The following ERICH5 variants were observed in gnomAD, a reference collection of about 807,000 sequenced individuals.
ERICH5 encodes the protein glutamate-rich protein 5.
ERICH5 carries 24 observed loss-of-function variants against 28.0 expected under a neutral mutation model. The observed-to-expected ratio is 0.86, with a 90% CI of 0.62 to 1.21. ERICH5 has a LOEUF of 1.21. Ranked by LOEUF, ERICH5 falls within the 50% of genes most tolerant of loss-of-function variation. ERICH5 has a pLI of 0.00. For missense variants in ERICH5, 421 were observed against 441.2 expected (o/e 0.95, Z 0.41); for synonymous variants, 163 against 157.6 (o/e 1.03, Z -0.25).
chr8:98,070,660 C>CAAAAAAAAAAAAAAAAAAAAAAA lies in ERICH5; in HGVS notation c.58+5955_58+5956insAAAAAAAAAAAAAAAAAAAAAAA, dbSNP rs769042472. Among the ~76,000 whole-genome samples the CAAAAAAAAAAAAAAAAAAAAAAA allele has an allele frequency of 2.1e-3, 82 of 38,724 alleles. 1 individual carries two copies. The highest frequency in any genetic ancestry group is 2.6e-3 in the Non-Finnish European group (51 of 19,404). The allele number at this position is 38,724 out of a possible 152,430, so 25.4% of individuals were successfully genotyped here. A position where few individuals can be genotyped will look rare whatever the true frequency, so the allele number is the denominator to read the frequency against. Reference sequence around the variant, plus strand: ...GGGCAACAAGAGTGAAACTGCATCTCAAAAAAAAAAAAAAAAAAAAAAGAA... The same window carrying CAAAAAAAAAAAAAAAAAAAAAAA: ...GGGCAACAAGAGTGAAACTGCATCTCAAAAAAAAAAAAAAAAAAAAAAAAAAAAAAAAAAAAAAAAAAAAAGAA... On this transcript the variant is annotated intron_variant, in intron 1 of 2. Transcript: ENST00000318528.
At chr8:98,090,869 TAAGTG>T (rs1288209269) in intron 2 of ERICH5, among the ~76,000 whole-genome samples, 1 of 152,188 alleles carries the variant, frequency 6.6e-6, no homozygotes, top group African/African-American at 2.4e-5. Flanking sequence ...TCAGTATACT[TAAGTG>T]AAGCATTCAT....
chr8:98,082,967 A>G (rs1815209026), intron 1 of ERICH5, among the ~76,000 whole-genome samples: 1 of 152,272 alleles, frequency 6.6e-6, no homozygotes, highest in Admixed American at 6.5e-5. Context: ...TTGGACACTT[A>G]TGACACCATC....
chr8:98,091,364 G>A (rs1449984792), intron 2 of ERICH5, among the ~76,000 whole-genome samples: 4 of 152,220 alleles, frequency 2.6e-5, no homozygotes, highest in South Asian at 2.1e-4. Context: ...AAGGCAGGAT[G>A]TGCGTGCATC....
chr8:98,089,363 C>T lies in ERICH5; in HGVS notation c.346C>T (p.Pro116Ser), dbSNP rs1815340809. ...AGAGGGACTGGAGGAATCTGGGCCG[C>T]CTCAACCAGGTGGCAAAGAGGATGC... ...PGEGLEESGP[P>S]QPGGKEDAPA... The change falls in exon 2 of 3, where the codon CCT (proline) becomes TCT (serine). Residue 116 changes from proline (P) to serine (S), a missense_variant. Transcript: ENST00000318528. The T allele has an allele frequency of 1.9e-6, 3 of 1,614,216 alleles. No homozygotes were observed. Among genetic ancestry groups the T allele is most frequent in the South Asian group, 1.1e-5 (1 of 91,080 alleles).
chr8:98,066,970 A>G (rs1324694350), intron 1 of ERICH5, among the ~76,000 whole-genome samples: 1 of 152,240 alleles, frequency 6.6e-6, no homozygotes, highest in African/African-American at 2.4e-5. Context: ...TCAGTGCCTA[A>G]CAACGCTTGG....
rs377643845 is a variant in ERICH5 at position 98,082,862 on chromosome 8, C to A, written c.59-6214C>A. Reference sequence around the variant, plus strand: ...CTCTAGCCTTGGTGACGGATTGAGACCCTGTCTCAACAACGACAATAAAAG... The same window carrying A: ...CTCTAGCCTTGGTGACGGATTGAGAACCTGTCTCAACAACGACAATAAAAG... On this transcript the variant is annotated intron_variant, in intron 1 of 2. Transcript: ENST00000318528. Among the ~76,000 whole-genome samples the A allele has an allele frequency of 7.5e-4, 114 of 152,120 alleles. 1 individual carries two copies. The highest frequency in any genetic ancestry group is 2.7e-3 in the African/African-American group (110 of 41,488).
intron 1 of ERICH5, among the ~76,000 whole-genome samples, chr8:98,085,262 G>A (rs575250976): frequency 1.4e-5 from 2 of 141,024 alleles, no homozygotes; most frequent in South Asian, 2.4e-4. Context: ...CCAGTTTCAC[G>A]CCATTCTCCC....
At chr8:98,082,138 C>T (rs747080298) in intron 1 of ERICH5, among the ~76,000 whole-genome samples, 6 of 152,046 alleles carry the variant, frequency 3.9e-5, no homozygotes, top group Non-Finnish European at 8.8e-5. Context: ...GTAAATGTGG[C>T]CCTGCCCTTC....
In ERICH5 at chr8:98,091,836, T is replaced by TTTTCTTTCTTTCTTTC. The variant is rs3074382; in HGVS notation, c.1013-1336_1013-1321dup. On this transcript the variant is annotated intron_variant, in intron 2 of 2. Coordinates refer to ENST00000318528, the MANE Select transcript of ERICH5 (RefSeq NM_173549.3). Reference sequence around the variant, plus strand: ...AGACTTTCTTTTTCTTTCTTTTTCTTTTTCTTTCTTTCTTTCTTTCTTTCT... The same window carrying TTTTCTTTCTTTCTTTC: ...AGACTTTCTTTTTCTTTCTTTTTCTTTTTCTTTCTTTCTTTCTTTCTTTCTTTCTTTCTTTCTTTCT... Among the ~76,000 whole-genome samples the TTTTCTTTCTTTCTTTC allele has an allele frequency of 4.1e-4, 44 of 107,288 alleles. 3 individuals carry two copies. The highest frequency in any genetic ancestry group is 2.5e-3 in the East Asian group (9 of 3,544). 70.4% of individuals were successfully genotyped at this position (107,288 alleles called of 152,430 possible).
At position 98,093,228 on chromosome 8, in the gene ERICH5, AG is replaced by A. The variant is rs750179683; in HGVS notation, c.1024del (p.Glu342LysfsTer12). The A allele has an allele frequency of 1.2e-6, 2 of 1,610,260 alleles. No homozygotes were observed. Among genetic ancestry groups the A allele is most frequent in the Non-Finnish European group, 8.5e-7 (1 of 1,177,188 alleles). On this transcript the variant is annotated frameshift_variant, in exon 3 of 3. Coordinates refer to ENST00000318528, the MANE Select transcript of ERICH5 (RefSeq NM_173549.3). LOFTEE classifies it high-confidence loss of function. The part of the protein sequence containing the change: ...EEDQRIEGET[G>X]EKVETDMENE... ...CTTTGGTTACTTTTCCAGGTGAGAC[AG>A]GGGAAAAGGTGGAAACAGACATGGA... is the stretch of plus-strand genomic sequence containing the variant.
At chr8:98,091,904 T>TCTTC (rs1815405624) in intron 2 of ERICH5, among the ~76,000 whole-genome samples, 4 of 81,588 alleles carry the variant, frequency 4.9e-5, no homozygotes, top group Admixed American at 2.9e-4. Context: ...TTCTTTCCTT[T>TCTTC]CTTTCTTTCT....
intron 1 of ERICH5, 43 bp downstream of exon 1, chr8:98,064,770 C>CCCCAGGA: frequency 6.6e-7 from 1 of 1,504,684 alleles, no homozygotes; most frequent in Non-Finnish European, 8.9e-7. Flanking sequence ...GCTGGGGACT[C>CCCCAGGA]GGGTGGGCTA....
intron 1 of ERICH5, among the ~76,000 whole-genome samples, chr8:98,069,988 A>G (rs747511499): frequency 2.0e-4 from 31 of 152,192 alleles, no homozygotes; most frequent in Non-Finnish European, 3.7e-4. Context: ...AATAGCCTTA[A>G]AACACAAACA....
chr8:98,074,301 G>A (rs907041200), intron 1 of ERICH5, among the ~76,000 whole-genome samples: 1 of 152,084 alleles, frequency 6.6e-6, no homozygotes, highest in Non-Finnish European at 1.5e-5. Context: ...AATCATAAAA[G>A]TGGTATGCGA....
intron 1 of ERICH5, among the ~76,000 whole-genome samples, chr8:98,075,524 A>T (rs1815033321): frequency 6.6e-6 from 1 of 151,092 alleles, no homozygotes; most frequent in Non-Finnish European, 1.5e-5. Flanking sequence ...TAAGCATGGA[A>T]CTGAAGTCAT....
chr8:98,078,887 G>A (rs1815112570), intron 1 of ERICH5, among the ~76,000 whole-genome samples: 3 of 152,160 alleles, frequency 2.0e-5, no homozygotes, highest in South Asian at 2.1e-4. Context: ...ATATAATAAC[G>A]TAGATTAGGC....
chr8:98,082,237 TG>T (rs1197180667), intron 1 of ERICH5, among the ~76,000 whole-genome samples: 2 of 152,214 alleles, frequency 1.3e-5, no homozygotes, highest in African/African-American at 4.8e-5. Context: ...TAAAAGACAA[TG>T]ACATTCTTTT....
At chr8:98,077,654 A>G (rs1174797576) in intron 1 of ERICH5, among the ~76,000 whole-genome samples, 2 of 152,192 alleles carry the variant, frequency 1.3e-5, no homozygotes, top group Non-Finnish European at 2.9e-5. Context: ...AGGCGTCCAC[A>G]TCTCCATGTG....
Position 98,093,276 on chromosome 8 carries a change from G to A in ERICH5, c.1068G>A (p.Gly356=), listed in dbSNP as rs1354567111. The change falls in exon 3 of 3, where the codon GGG becomes GGA. Residue 356 remains glycine, a synonymous_variant. Coordinates refer to ENST00000318528, the MANE Select transcript of ERICH5 (RefSeq NM_173549.3). ...TGGAGAATGAGAAAGTGAGTGAAGG[G>A]GCTGAAACCAAAGAAGAAGAAACAG... ...TDMENEKVSE[G]AETKEEETGE... 1.2e-6 allele frequency: 2 copies of A among 1,613,910 alleles called. No individual in the cohort carries two copies. Among genetic ancestry groups the A allele is most frequent in the African/African-American group, 2.7e-5 (2 of 75,038 alleles).
Sources: gnomAD v4.1 joint callset for allele counts (sites outside exome capture counted in the v4.1 genomes callset) on GRCh38, gnomAD v4.1.1 for gene constraint, MANE v1.5 for transcripts, NCBI Gene and HGNC (gene_info 2026-07-23, HGNC 2026-07-21) for gene names.